PRKACB: variants seen among roughly 807,000 people sequenced by gnomAD.
PRKACB encodes cAMP-dependent protein kinase catalytic subunit beta.
A neutral mutation model predicts 51.4 loss-of-function variants in PRKACB; 16 were observed. The ratio of observed to expected loss-of-function variants is 0.31; its 90% confidence interval spans 0.21 to 0.47. PRKACB has a LOEUF of 0.47. Among genes scored for constraint, PRKACB ranks in the 20% least tolerant of loss-of-function variants. The pLI, the probability that PRKACB is intolerant of heterozygous loss-of-function variation, is 1.00. For missense variants in PRKACB, 309 were observed against 464.5 expected (o/e 0.67, Z 3.08); for synonymous variants, 147 against 154.4 (o/e 0.95, Z 0.35).
Position 84,144,394 on chromosome 1 carries a change from G to A in PRKACB, c.33G>A (p.Gln11=), listed in dbSNP as rs1653747760. Residue 11 remains glutamine, a synonymous_variant, in exon 1 of 10, where the codon CAG becomes CAA. Transcript: ENST00000370685. The stretch of plus-strand genomic sequence containing the variant: ...CTTATAGAGAACCACCTTGTAACCA[G>A]TATACAGGTACAACTACAGCTCTTC... MAAYREPPCN[Q]YTGTTTALQK... 1.9e-6 allele frequency: 3 copies of A among 1,612,950 alleles called. No homozygotes were observed. Among genetic ancestry groups the A allele is most frequent in the Non-Finnish European group, 2.5e-6 (3 of 1,179,572 alleles).
chr1:84,164,696 C>T, intron 1 of PRKACB: 5 of 1,393,376 alleles, frequency 3.6e-6, no homozygotes, highest in Non-Finnish European at 4.7e-6. Context: ...TTCTCCCTGC[C>T]ATTTTGAGTT....
intron 1 of PRKACB, among the ~76,000 whole-genome samples, chr1:84,153,913 T>C (rs1193212180): frequency 6.6e-6 from 1 of 152,128 alleles, no homozygotes; most frequent in Admixed American, 6.5e-5. Context: ...GATCATATGA[T>C]AGTTCATTTT....
chr1:84,228,689 C>T (rs1257353927), intron 9 of PRKACB, among the ~76,000 whole-genome samples: 1 of 152,042 alleles, frequency 6.6e-6, no homozygotes, highest in African/African-American at 2.4e-5. Context: ...ATATTTCTTT[C>T]CAAACTCTCA....
intron 1 of PRKACB, among the ~76,000 whole-genome samples, chr1:84,166,673 G>A (rs560437121): frequency 6.6e-6 from 1 of 151,754 alleles, no homozygotes; most frequent in East Asian, 1.9e-4. Flanking sequence ...CAAGAGAAGT[G>A]TGGTTTTATT....
intron 1 of PRKACB, 112 bp downstream of exon 1, chr1:84,144,660 A>G (rs1653798558): frequency 4.2e-6 from 5 of 1,187,254 alleles, no homozygotes; most frequent in African/African-American, 1.6e-5. Context: ...TGATTTTCAC[A>G]AGGACATTTT....
chr1:84,102,756 T>TGAAAGAA (rs369789576), intron 1 of PRKACB, among the ~76,000 whole-genome samples: 193 of 152,116 alleles, frequency 1.3e-3, no homozygotes, highest in African/African-American at 4.5e-3. Context: ...TGTGAAAGAA[T>TGAAAGAA]GATTGAGAGA....
At chr1:84,086,786 C>T (rs1326069213) in intron 1 of PRKACB, among the ~76,000 whole-genome samples, 1 of 152,312 alleles carries the variant, frequency 6.6e-6, no homozygotes, top group African/African-American at 2.4e-5. Context: ...CCTCAGGGAG[C>T]CCCCTCCCAG....
intron 9 of PRKACB, among the ~76,000 whole-genome samples, chr1:84,215,006 G>C (rs896924848): frequency 6.6e-6 from 1 of 152,192 alleles, no homozygotes; most frequent in Non-Finnish European, 1.5e-5. Flanking sequence ...ATTGGCATGT[G>C]CCAGATATAT....
At chr1:84,094,548 G>A (rs1477980231) in intron 1 of PRKACB, among the ~76,000 whole-genome samples, 1 of 151,828 alleles carries the variant, frequency 6.6e-6, no homozygotes, top group East Asian at 1.9e-4. Context: ...TAGTTTCACT[G>A]TGTTCAGAGA....
chr1:84,138,986 C>T (rs953798194), intron 1 of PRKACB, among the ~76,000 whole-genome samples: 21 of 152,116 alleles, frequency 1.4e-4, no homozygotes, highest in Non-Finnish European at 4.4e-5. Context: ...TCAGCATCCT[C>T]CTAAGATAAC....
At chr1:84,139,598 G>C (rs1392328686), upstream of PRKACB, among the ~76,000 whole-genome samples, 3 of 152,136 alleles carry the variant, frequency 2.0e-5, no homozygotes, top group Non-Finnish European at 4.4e-5. Flanking sequence ...GAAGAGACAT[G>C]CTATGATTAT....
chr1:84,232,496 A>G (rs1454792302), intron 9 of PRKACB, among the ~76,000 whole-genome samples: 1 of 152,120 alleles, frequency 6.6e-6, no homozygotes, highest in East Asian at 1.9e-4. Context: ...TGATCTGTCT[A>G]ATGTTGACAG....
chr1:84,199,087 GCGTATATATGCATATATGTATATA>G, intron 7 of PRKACB, among the ~76,000 whole-genome samples: 1 of 138,824 alleles, frequency 7.2e-6, no homozygotes, highest in Non-Finnish European at 1.6e-5. Flanking sequence ...GTATATATAT[GCGTATATATGCATATATGTATATA>G]TATGCATATA....
Position 84,144,445 on chromosome 1 carries a change from G to C in PRKACB, c.84G>C (p.Arg28=). The change falls in exon 1 of 10, where the codon CGG becomes CGC. Residue 28 remains arginine (R), a synonymous_variant. Coordinates refer to ENST00000370685, the MANE Select transcript of PRKACB (RefSeq NM_182948.4). ...ALQKLEGFAS[R]LFHRHSKGTA... is the part of the protein sequence containing the mutation. Reference sequence around the variant, plus strand: ...AGAAATTGGAAGGTTTTGCTAGCCGGTTATTTCATAGACACTCTAAAGGTA... The same window carrying C: ...AGAAATTGGAAGGTTTTGCTAGCCGCTTATTTCATAGACACTCTAAAGGTA... 1.9e-6 allele frequency: 3 copies of C among 1,613,118 alleles called. No individual in the cohort carries two copies. Among genetic ancestry groups the C allele is most frequent in the Non-Finnish European group, 2.5e-6 (3 of 1,179,586 alleles).
intron 1 of PRKACB, among the ~76,000 whole-genome samples, chr1:84,089,424 C>T (rs1648279488): frequency 6.6e-6 from 1 of 152,078 alleles, no homozygotes; most frequent in South Asian, 2.1e-4. Context: ...GAAGAAGACA[C>T]TGGACTAGGA....
chr1:84,176,177 A>G (rs1187791944), intron 1 of PRKACB, among the ~76,000 whole-genome samples: 1 of 151,874 alleles, frequency 6.6e-6, no homozygotes, highest in African/African-American at 2.4e-5. Flanking sequence ...TTAGAACACA[A>G]TAAGTAAACT....
rs1416035611 is a variant in PRKACB at position 84,177,531 on chromosome 1, A to C, written c.188-1646A>C. Among the ~76,000 whole-genome samples, 7 of 152,038 alleles carry C rather than the reference A, an allele frequency of 4.6e-5. 1 individual carries two copies. In the South Asian group the frequency reaches 8.3e-4, roughly 18 times the overall value. On this transcript the variant is annotated intron_variant, in intron 1 of 9. Coordinates refer to ENST00000370685, the MANE Select transcript of PRKACB (RefSeq NM_182948.4). Reference sequence around the variant, plus strand: ...TGAGCCAGAAAGTTCACTTGAGCTCAAAAGTTCAGGACAAGCCTGGGCAGC... The same window carrying C: ...TGAGCCAGAAAGTTCACTTGAGCTCCAAAGTTCAGGACAAGCCTGGGCAGC...
chr1:84,097,957 C>T (rs895160818), intron 1 of PRKACB, among the ~76,000 whole-genome samples: 4 of 152,032 alleles, frequency 2.6e-5, no homozygotes, highest in Non-Finnish European at 5.9e-5. Flanking sequence ...CTCACAAACA[C>T]GCCCAGAAAT....
chr1:84,136,977 T>G (rs1652888231), intron 1 of PRKACB, among the ~76,000 whole-genome samples: 1 of 152,144 alleles, frequency 6.6e-6, no homozygotes, highest in African/African-American at 2.4e-5. Context: ...TTTCACAAAA[T>G]CTGATCTTTT....
Sources: allele counts gnomAD v4.1 joint callset (sites outside exome capture counted in the v4.1 genomes callset), GRCh38; gene constraint gnomAD v4.1.1; transcripts MANE v1.5; gene names NCBI Gene and HGNC (gene_info 2026-07-23, HGNC 2026-07-21).